Variants in TMEM255A observed in about 807,000 individuals in gnomAD.
The protein encoded by TMEM255A is family with sequence similarity 70, member A.
TMEM255A carries 14 observed loss-of-function variants against 23.5 expected under a neutral mutation model. The ratio of observed to expected loss-of-function variants is 0.60; its 90% CI spans 0.39 to 0.93. The LOEUF (loss-of-function observed/expected upper bound fraction) is 0.93, where lower values mean the gene tolerates loss of function less well. TMEM255A is among the 40% of genes least tolerant of loss of function. The pLI is 0.00. For missense variants in TMEM255A, 233 were observed against 261.7 expected, an observed-to-expected ratio of 0.89 and a Z score of 0.76; for synonymous variants, 104 against 100.3, an observed-to-expected ratio of 1.04 and a Z score of -0.22.
chrX:120,253,264 G>A, the TMEM255A span: 1 of 546,653 alleles, frequency 1.8e-6, no homozygotes, highest in Non-Finnish European at 2.8e-6. Context: ...CAACCTGTAT[G>A]AACAATTTCT....
chrX:120,257,043 T>C (rs1556015601), downstream of TMEM255A: 1 of 122,642 alleles, frequency 8.2e-6, no homozygotes, highest in East Asian at 2.8e-4. Flanking sequence ...CTTAAGTTGG[T>C]AGCTGAGGGT....
chrX:120,277,605 C>G (rs5957347), intron 6 of TMEM255A, among the ~76,000 whole-genome samples: 1 of 110,801 alleles, frequency 9.0e-6, no homozygotes. Context: ...GGGACTATCA[C>G]CATGCACATT....
chrX:120,289,777 T>C (rs2057901640), intron 4 of TMEM255A, among the ~76,000 whole-genome samples: 1 of 112,300 alleles, frequency 8.9e-6, no homozygotes, highest in Non-Finnish European at 1.9e-5. Context: ...ACAACTCAAA[T>C]GTACACCAAC....
chrX:120,253,520 C>T, the TMEM255A span: 19 of 1,210,316 alleles, frequency 1.6e-5, no homozygotes, highest in Admixed American at 2.2e-5. Context: ...GTGATGTTAC[C>T]GTTATTGTGG....
In TMEM255A at chrX:120,268,321, G is replaced by T. The variant is rs782722477; in HGVS notation, c.742C>A (p.His248Asn). ...GTATTGTAGGATGCCACTTGGGGATGAGCATAGTAAGAAACTGTTGGATGG... is the reference window on the plus strand; with the variant it reads ...GTATTGTAGGATGCCACTTGGGGATTAGCATAGTAAGAAACTGTTGGATGG... ...NTHPTVSYYA[H>N]PQVASYNTYY... The change falls in exon 8 of 9, where the codon CAT becomes AAT. Residue 248 changes from histidine to asparagine, a missense_variant. By Grantham distance (68) the His-to-Asn change is moderately conservative (BLOSUM62 1). Transcript: ENST00000371369. 8.3e-7 allele frequency: 1 copy of T among 1,210,387 alleles called. No homozygotes were observed. The highest frequency in any genetic ancestry group is 3.0e-5 in the East Asian group (1 of 33,821).
chrX:120,290,169 G>A (rs1391350460), intron 4 of TMEM255A, among the ~76,000 whole-genome samples: 1 of 111,737 alleles, frequency 8.9e-6, no homozygotes, highest in South Asian at 3.7e-4. Context: ...CATTAAATGG[G>A]TGAATTGTAT....
intron 2 of TMEM255A, among the ~76,000 whole-genome samples, chrX:120,296,961 A>T (rs1459398151): frequency 4.8e-4 from 1 of 2,063 alleles, no homozygotes; most frequent in Non-Finnish European, 5.8e-4. Flanking sequence ...TATTATATAT[A>T]ATATATAATA....
At position 120,304,348 on chromosome X, in the gene TMEM255A, C is replaced by A. The variant is rs782718414; in HGVS notation, c.201+1G>T. ...GACCTACCTGTGCCTTCTATACTTACAATAACTCCGGGGTAATAACCTCCT... is the reference window on the plus strand; with the variant it reads ...GACCTACCTGTGCCTTCTATACTTAAAATAACTCCGGGGTAATAACCTCCT... On this transcript the variant is annotated splice_donor_variant, in intron 2 of 8. Coordinates refer to ENST00000371369, the MANE Select transcript of TMEM255A (RefSeq NM_001104544.3). LOFTEE classifies it high-confidence loss of function. The A allele has an allele frequency of 1.7e-6, 2 of 1,208,353 alleles. No homozygotes were observed.
intron 7 of TMEM255A, among the ~76,000 whole-genome samples, chrX:120,274,170 G>T (rs782472128): frequency 2.7e-5 from 3 of 111,992 alleles, no homozygotes; most frequent in African/African-American, 9.7e-5. Flanking sequence ...CCAGAAGTTC[G>T]AATATTGCAT....
At chrX:120,297,001 A>T (rs1182694227) in intron 2 of TMEM255A, among the ~76,000 whole-genome samples, 2 of 4,103 alleles carry the variant, frequency 4.9e-4, no homozygotes, top group Non-Finnish European at 6.8e-4. Context: ...ATTATATATA[A>T]TATATAATAT....
rs782217294 is a variant in TMEM255A, at chrX:120,258,957, TAAAA to T, written c.*1909_*1912del. On this transcript the variant is annotated 3_prime_UTR_variant, in exon 9 of 9. Transcript: ENST00000371369. The stretch of plus-strand genomic sequence containing the variant: ...ATGCACTTTGTATAATTCAATGTAA[TAAAA>T]AAGCTGCTCAAATTAAGTGTTACAA... 1 of 112,572 alleles carries T rather than the reference TAAAA, an allele frequency of 8.9e-6. No individual in the cohort carries two copies. The highest frequency in any genetic ancestry group is 1.9e-5 in the Non-Finnish European group (1 of 53,227). The allele number at this position is 112,572 out of a possible 1,213,427, so 9.3% of individuals were successfully genotyped here.
rs782298646 is a variant in TMEM255A, at chrX:120,271,301, AT to A, written c.676-2915del. On this transcript the variant is annotated intron_variant, in intron 7 of 8. Coordinates refer to ENST00000371369, the MANE Select transcript of TMEM255A (RefSeq NM_001104544.3). ...AAATAGAAAGAGCAAAGGCTCTGGC[AT>A]TTGGCAAATCTGGGCTCCAGTCCCA... Among the ~76,000 whole-genome samples the A allele has an allele frequency of 4.0e-3, 448 of 112,301 alleles. 3 individuals carry two copies. The highest frequency in any genetic ancestry group is 0.023 in the Middle Eastern group (5 of 218).
chrX:120,301,365 A>C (rs2058032704), intron 2 of TMEM255A, among the ~76,000 whole-genome samples: 1 of 112,498 alleles, frequency 8.9e-6, no homozygotes, highest in South Asian at 3.6e-4. Flanking sequence ...ATGGATTGTT[A>C]ACACATTTAA....
At position 120,311,419 on chromosome X, in the gene TMEM255A, G is replaced by A; in HGVS notation, c.-110C>T. ...CGGTTGCCTCTCTCGGTCCTTCCGA[G>A]AGCTGAGAGACACTGCCTCTGGTTG... is the stretch of plus-strand genomic sequence containing the variant. On this transcript the variant is annotated 5_prime_UTR_variant, in exon 1 of 9. Coordinates refer to ENST00000371369, the MANE Select transcript of TMEM255A (RefSeq NM_001104544.3). 1.6e-6 allele frequency: 1 copy of A among 622,271 alleles called. No homozygotes were observed. The highest frequency in any genetic ancestry group is 2.6e-6 in the Non-Finnish European group (1 of 380,570). The allele number at this position is 622,271 out of a possible 1,213,427, so 51.3% of individuals were successfully genotyped here.
At chrX:120,275,783 C>CCTTTTTTTTTTTTTT (rs2057792933) in intron 7 of TMEM255A, among the ~76,000 whole-genome samples, 2 of 64,966 alleles carry the variant, frequency 3.1e-5, no homozygotes, top group African/African-American at 5.7e-5. Flanking sequence ...GGAGCCCAAG[C>CCTTTTTTTTTTTTTT]ATTTTTTTTT....
chrX:120,275,358 G>A (rs1465946336), intron 7 of TMEM255A, among the ~76,000 whole-genome samples: 1 of 112,006 alleles, frequency 8.9e-6, no homozygotes, highest in Non-Finnish European at 1.9e-5. Context: ...TCACTAGCAG[G>A]AACACTTAAT....
At chrX:120,283,831 C>T (rs2057853795) in intron 6 of TMEM255A, among the ~76,000 whole-genome samples, 1 of 111,382 alleles carries the variant, frequency 9.0e-6, no homozygotes, top group Middle Eastern at 4.6e-3. Context: ...TTCCATCTTC[C>T]ATGCTGTACC....
At chrX:120,278,682 T>G (rs781823252) in intron 6 of TMEM255A, among the ~76,000 whole-genome samples, 1 of 112,418 alleles carries the variant, frequency 8.9e-6, no homozygotes, top group Non-Finnish European at 1.9e-5. Flanking sequence ...GATTATTACA[T>G]GTGACTCCCC....
At chrX:120,256,378 A>G (rs1248964085), downstream of TMEM255A, 2 of 122,564 alleles carry the variant, frequency 1.6e-5, no homozygotes, top group Non-Finnish European at 3.8e-5. Flanking sequence ...GACTTTACAT[A>G]TTTTGGGTGG....
Sources: gnomAD v4.1 joint callset for allele counts (sites outside exome capture counted in the v4.1 genomes callset) on GRCh38, gnomAD v4.1.1 for gene constraint, MANE v1.5 for transcripts, NCBI Gene and HGNC (gene_info 2026-07-23, HGNC 2026-07-21) for gene names.